CSTF2: variants seen among roughly 807,000 people sequenced by gnomAD.
The protein encoded by CSTF2 is CF-1 64 kDa subunit.
CSTF2 carries 8 observed loss-of-function variants against 45.4 expected under a neutral mutation model. The ratio of observed to expected loss-of-function variants is 0.18; its 90% CI spans 0.10 to 0.32. The LOEUF (loss-of-function observed/expected upper bound fraction) is 0.32, where lower values mean the gene tolerates loss of function less well. Among genes scored for constraint, CSTF2 ranks in the 10% least tolerant of loss-of-function variants. The pLI is 1.00. For synonymous variants in CSTF2, 155 were observed against 158.9 expected, an observed-to-expected ratio of 0.98 and a Z score of 0.18; for missense variants, 253 against 477.1, an observed-to-expected ratio of 0.53 and a Z score of 4.38.
chrX:100,828,293 C>A (rs913541988), intron 8 of CSTF2, among the ~76,000 whole-genome samples, 191 bp downstream of exon 8: 1 of 111,857 alleles, frequency 8.9e-6, no homozygotes, highest in South Asian at 3.8e-4. Flanking sequence ...CCACAGGTGA[C>A]TAGTGGATAC....
chrX:100,825,409 G>A (rs969392394), intron 6 of CSTF2, among the ~76,000 whole-genome samples: 2 of 110,834 alleles, frequency 1.8e-5, no homozygotes, highest in African/African-American at 6.5e-5. Flanking sequence ...TTCACAAAAG[G>A]AGAAATATAA....
chrX:100,836,745 A>C (rs1342910380), intron 11 of CSTF2, among the ~76,000 whole-genome samples: 3 of 112,325 alleles, frequency 2.7e-5, no homozygotes, highest in African/African-American at 9.7e-5. Context: ...TACATTTAGC[A>C]GAAAGCATCT....
At chrX:100,821,673 A>G (rs750844156) in intron 2 of CSTF2, 68 bp downstream of exon 2, 1 of 792,025 alleles carries the variant, frequency 1.3e-6, no homozygotes. Flanking sequence ...TCTTAGTAAT[A>G]ATGGCAGGTT....
chrX:100,826,807 A>G (rs1002683630), intron 7 of CSTF2, 50 bp downstream of exon 7: 1 of 1,165,026 alleles, frequency 8.6e-7, no homozygotes, highest in Non-Finnish European at 1.2e-6. Context: ...AAGTTTTGTC[A>G]TAGCCACTGT....
intron 11 of CSTF2, among the ~76,000 whole-genome samples, chrX:100,834,592 G>A (rs1179692664): frequency 8.9e-6 from 1 of 112,264 alleles, no homozygotes; most frequent in African/African-American, 3.2e-5. Context: ...TATTGTGTTT[G>A]AAGTGTTTGT....
At chrX:100,834,770 C>A (rs1339794905) in intron 11 of CSTF2, among the ~76,000 whole-genome samples, 1 of 112,131 alleles carries the variant, frequency 8.9e-6, no homozygotes, top group African/African-American at 3.2e-5. Context: ...AGCCCCTTCC[C>A]CCATGGGCTT....
chrX:100,821,681 G>T, intron 2 of CSTF2, 76 bp downstream of exon 2: 1 of 727,415 alleles, frequency 1.4e-6, no homozygotes, highest in Non-Finnish European at 2.1e-6. Context: ...ATAATGGCAG[G>T]TTTTCTTTAC....
chrX:100,837,832 G>T (rs1358869167), intron 12 of CSTF2, among the ~76,000 whole-genome samples: 2 of 111,070 alleles, frequency 1.8e-5, no homozygotes, highest in African/African-American at 3.3e-5. Flanking sequence ...TTTGACCATT[G>T]TGGGGAGCTT....
chrX:100,822,566 A>G, intron 3 of CSTF2, 146 bp downstream of exon 3: 1 of 541,116 alleles, frequency 1.8e-6, no homozygotes, highest in South Asian at 3.1e-5. Flanking sequence ...TGCCTGAGTT[A>G]GGCAAGTATT....
chrX:100,838,227 T>C lies in CSTF2; in HGVS notation c.1612-12T>C, dbSNP rs780391067. ...ATTAAAACTCACTACCTTTTTTTTT[T>C]CCTCTGCACAGGCTGCTTTGATTAT... On this transcript the variant is annotated splice_polypyrimidine_tract_variant and intron_variant, in intron 12 of 13. Coordinates refer to ENST00000372972, the MANE Select transcript of CSTF2 (RefSeq NM_001325.3). 32 of 1,122,394 alleles carry C rather than the reference T, an allele frequency of 2.9e-5. No homozygotes were observed. In the African/African-American group the frequency reaches 3.0e-4, roughly 10 times the overall value. 92.5% of individuals were successfully genotyped at this position (1,122,394 alleles called of 1,213,427 possible). A position where few individuals can be genotyped will look rare whatever the true frequency, so the allele number is the denominator to read the frequency against.
chrX:100,837,385 G>A lies in CSTF2; in HGVS notation c.1547G>A (p.Gly516Asp), dbSNP rs761421878. 1 of 1,210,605 alleles carries A rather than the reference G, an allele frequency of 8.3e-7. No individual in the cohort carries two copies. Among genetic ancestry groups the A allele is most frequent in the African/African-American group, 1.7e-5 (1 of 57,843 alleles). ...GTGMQGASIQ[G>D]GSQPGGFSPG... ...GGAATGCAAGGAGCAAGTATACAGG[G>A]TGGAAGCCAGCCTGGCGGCTTTAGT... is the stretch of plus-strand genomic sequence containing the variant. The change falls in exon 12 of 14, where the codon GGT becomes GAT. Residue 516 changes from glycine to aspartate, a missense_variant. By Grantham distance (94) the Gly-to-Asp change is moderately conservative. Around this residue, in one of 3 missense-constraint regions of CSTF2, gnomAD observed 200 missense variants for 294.0 expected, o/e 0.68. Transcript: ENST00000372972.
At chrX:100,822,467 A>G (rs2147886140) in intron 3 of CSTF2, 47 bp downstream of exon 3, 1 of 1,135,563 alleles carries the variant, frequency 8.8e-7, no homozygotes, top group Non-Finnish European at 1.2e-6. Flanking sequence ...GTAAAGATGT[A>G]ACAATGAAGA....
At chrX:100,836,640 T>TG (rs2085010212) in intron 11 of CSTF2, among the ~76,000 whole-genome samples, 1 of 111,981 alleles carries the variant, frequency 8.9e-6, no homozygotes, top group Non-Finnish European at 1.9e-5. Flanking sequence ...CTGGTAGTCT[T>TG]GCAAAGGGTT....
chrX:100,822,351 C>T lies in CSTF2; in HGVS notation c.238C>T (p.Arg80Cys), dbSNP rs2147886081. Reference sequence around the variant, plus strand: ...TAGTGCCATGCGGAACCTGAATGGGCGCGAATTCAGTGGGAGAGCACTTCG... The same window carrying T: ...TAGTGCCATGCGGAACCTGAATGGGTGCGAATTCAGTGGGAGAGCACTTCG... Reference protein sequence around the residue: ...ALSAMRNLNGREFSGRALRVD... With the variant: ...ALSAMRNLNGCEFSGRALRVD... The change falls in exon 3 of 14, where the codon CGC becomes TGC. Residue 80 changes from arginine to cysteine, a missense_variant. Physicochemically the swap from Arg to Cys is radical, Grantham distance 180 (BLOSUM62 -3). Transcript: ENST00000372972. The T allele has an allele frequency of 1.7e-6, 2 of 1,210,617 alleles. No individual in the cohort carries two copies. Among genetic ancestry groups the T allele is most frequent in the East Asian group, 3.0e-5 (1 of 33,819 alleles).
chrX:100,836,428 C>T (rs1276404460), intron 11 of CSTF2, among the ~76,000 whole-genome samples: 1 of 112,094 alleles, frequency 8.9e-6, no homozygotes, highest in African/African-American at 3.2e-5. Context: ...GTGGTATCTG[C>T]TCCTAACAGT....
At chrX:100,826,377 T>C in intron 6 of CSTF2, among the ~76,000 whole-genome samples, 1 of 104,303 alleles carries the variant, frequency 9.6e-6, no homozygotes, top group Non-Finnish European at 1.9e-5. Flanking sequence ...GCCACACAGA[T>C]AAGACTTGTC....
Position 100,820,411 on chromosome X carries a change from A to G in CSTF2, c.-6A>G, listed in dbSNP as rs1569437343. The G allele has an allele frequency of 9.1e-6, 11 of 1,209,230 alleles. No individual in the cohort carries two copies. Among genetic ancestry groups the G allele is most frequent in the Middle Eastern group, 2.3e-4 (1 of 4,350 alleles). ...TTGGCGCACCGGAAGCCGACTCAAC[A>G]GAGCTATGGCGGGTTTGACTGTGAG... is the stretch of plus-strand genomic sequence containing the variant. On this transcript the variant is annotated 5_prime_UTR_variant, in exon 1 of 14. Transcript: ENST00000372972.
intron 7 of CSTF2, 72 bp from the exon 8 acceptor site, chrX:100,827,968 C>G: frequency 1.1e-6 from 1 of 899,460 alleles, no homozygotes; most frequent in Non-Finnish European, 1.6e-6. Context: ...TTTGTAAACT[C>G]AGCCACTGTT....
At chrX:100,826,519 A>G (rs1026914032) in intron 6 of CSTF2, 115 bp from the exon 7 acceptor site, 3 of 647,231 alleles carry the variant, frequency 4.6e-6, no homozygotes, top group African/African-American at 4.4e-5. Context: ...TACAAAAAGG[A>G]TGTTTAGTAG....
Sources: gnomAD v4.1 joint callset for allele counts (sites outside exome capture counted in the v4.1 genomes callset) on GRCh38, gnomAD v4.1.1 for gene constraint, gnomAD v4.1.1 regional missense constraint, MANE v1.5 for transcripts, NCBI Gene and HGNC (gene_info 2026-07-23, HGNC 2026-07-21) for gene names.